MGA: variants seen among roughly 807,000 people sequenced by gnomAD.
MGA encodes the protein MAX dimerization protein MGA, also known as MAX gene-associated protein.
A neutral mutation model predicts 261.1 loss-of-function variants in MGA; 40 were observed. The observed-to-expected ratio is 0.15, with a 90% confidence interval of 0.12 to 0.20. The LOEUF is 0.20. Ranked by LOEUF, MGA falls within the 10% of genes least tolerant of loss-of-function variation. The pLI is 1.00. For missense variants in MGA, 3,397 were observed against 3,630.5 expected (o/e 0.94, Z 1.65); for synonymous variants, 1,302 against 1,290.6 (o/e 1.01, Z -0.19).
At chr15:41,755,257 A>T (rs2063080229) in intron 18 of MGA, among the ~76,000 whole-genome samples, 1 of 152,224 alleles carries the variant, frequency 6.6e-6, no homozygotes, top group African/African-American at 2.4e-5. Context: ...AACTACGATG[A>T]TATGAAAGTA....
chr15:41,762,470 T>TTG, intron 22 of MGA, 108 bp downstream of exon 22: 2 of 657,778 alleles, frequency 3.0e-6, no homozygotes, highest in Admixed American at 7.3e-5. Flanking sequence ...GGTTTTTTTT[T>TTG]TTTTTTTTTT....
rs2150950378 is a variant in MGA at position 41,669,518 on chromosome 15, T to A, written c.624T>A (p.Pro208=). 2 of 1,614,060 alleles carry A rather than the reference T, an allele frequency of 1.2e-6. No homozygotes were observed. The highest frequency in any genetic ancestry group is 2.2e-5 in the East Asian group (1 of 44,892). Residue 208 remains proline (P), a synonymous_variant, in exon 2 of 24, where the codon CCT becomes CCA. Coordinates refer to ENST00000219905, the MANE Select transcript of MGA (RefSeq NM_001164273.2). ...ACCTGCCGAGGCTTCATTTGGTGCCTGCAGAAAAGGCTGTGGAGGTGATAC... is the reference window on the plus strand; with the variant it reads ...ACCTGCCGAGGCTTCATTTGGTGCCAGCAGAAAAGGCTGTGGAGGTGATAC...
chr15:41,703,836 C>T (rs1181710981), intron 5 of MGA, among the ~76,000 whole-genome samples: 1 of 152,154 alleles, frequency 6.6e-6, no homozygotes, highest in Non-Finnish European at 1.5e-5. Flanking sequence ...GACAGGGTCT[C>T]GCTTTGTCAC....
Position 41,750,176 on chromosome 15 carries a change from C to T in MGA, c.6569C>T (p.Ser2190Leu), listed in dbSNP as rs368204728. 3.1e-6 allele frequency: 5 copies of T among 1,613,870 alleles called. No homozygotes were observed. The highest frequency in any genetic ancestry group is 2.7e-5 in the African/African-American group (2 of 75,036). ...TTAACCAGGAAATGTGTTGGAGCTT[C>T]ACAGGAATGTAAGAAAGAGGCAGAC... The change falls in exon 17 of 24, where the codon TCA becomes TTA. Residue 2190 changes from serine (S) to leucine (L), a missense_variant. Physicochemically the swap from Ser to Leu is moderately radical, Grantham distance 145. Coordinates refer to ENST00000219905, the MANE Select transcript of MGA (RefSeq NM_001164273.2).
At chr15:41,715,998 C>T (rs1021968986) in intron 9 of MGA, among the ~76,000 whole-genome samples, 1 of 152,178 alleles carries the variant, frequency 6.6e-6, no homozygotes, top group Non-Finnish European at 1.5e-5. Context: ...TTATTGTCTT[C>T]ATCCTGTGCC....
chr15:41,739,210 G>A (rs2061956533), intron 13 of MGA, among the ~76,000 whole-genome samples: 2 of 152,142 alleles, frequency 1.3e-5, no homozygotes, highest in African/African-American at 2.4e-5. Context: ...AACTCAGGCA[G>A]CAGAGGGGAT....
rs144803279 is a variant in MGA, at chr15:41,716,257, C to T, written c.3430+2761C>T. On this transcript the variant is annotated intron_variant, in intron 9 of 23. Transcript: ENST00000219905. ...GGTCAGGAGATCGAGACTGTCCTGG[C>T]TAACACGGTGAAACCCCGTCTCTAC... Among the ~76,000 whole-genome samples, 845 of 150,526 alleles carry T rather than the reference C, an allele frequency of 5.6e-3. 8 individuals are homozygous for T. The highest frequency in any genetic ancestry group is 0.02 in the African/African-American group (813 of 40,906).
intron 5 of MGA, 58 bp from the exon 6 acceptor site, chr15:41,707,670 G>A (rs754494759): frequency 6.0e-5 from 89 of 1,480,446 alleles, no homozygotes; most frequent in Non-Finnish European, 7.8e-5. Flanking sequence ...AAACAAAGAA[G>A]GGAGATAATA....
intron 1 of MGA, among the ~76,000 whole-genome samples, chr15:41,640,461 A>G (rs1003443852): frequency 6.6e-6 from 1 of 152,172 alleles, no homozygotes. Context: ...GTAAGATTGT[A>G]CATCATTTGA....
At chr15:41,699,208 C>T (rs1400464126) in intron 5 of MGA, 49 bp downstream of exon 5, 22 of 1,229,322 alleles carry the variant, frequency 1.8e-5, no homozygotes, top group Non-Finnish European at 2.0e-5. Context: ...TTTCTTTCTT[C>T]CCTACTGTTT....
Position 41,736,435 on chromosome 15 carries a change from T to A in MGA, c.4171T>A (p.Tyr1391Asn), listed in dbSNP as rs2061779903. 1 of 1,613,912 alleles carries A rather than the reference T, an allele frequency of 6.2e-7. No homozygotes were observed. ...CCGGGGTGAGAAGAACCCTCCTGTT[T>A]ATTCTTCTCGTGTGAAAATCTCTAT... is the stretch of plus-strand genomic sequence containing the variant. Residue 1391 changes from tyrosine to asparagine, a missense_variant, in exon 13 of 24, where the codon TAT becomes AAT. Physicochemically the swap from Tyr to Asn is moderately radical, Grantham distance 143. Transcript: ENST00000219905.
intron 9 of MGA, chr15:41,718,466 A>G (rs1007423301): frequency 2.5e-6 from 2 of 789,234 alleles, no homozygotes; most frequent in African/African-American, 3.4e-5. Context: ...TTTTTCGTAC[A>G]ATTTGTGAGT....
Position 41,669,316 on chromosome 15 carries a change from G to C in MGA, c.422G>C (p.Trp141Ser), listed in dbSNP as rs2057925743. The C allele has an allele frequency of 5.6e-6, 9 of 1,613,976 alleles. No individual in the cohort carries two copies. Among genetic ancestry groups the C allele is most frequent in the Non-Finnish European group, 7.6e-6 (9 of 1,179,880 alleles). The change falls in exon 2 of 24, where the codon TGG (tryptophan) becomes TCG (serine). Residue 141 changes from tryptophan to serine, a missense_variant. By Grantham distance (177) the Trp-to-Ser change is radical. This residue lies in a region of MGA where 104 missense variants were observed against 212.9 expected (regional missense o/e 0.49). Coordinates refer to ENST00000219905, the MANE Select transcript of MGA (RefSeq NM_001164273.2). ...CATCGTTATAAGTGGAATGGTCGTTGGTGGGAACCTAGTGGGAAGGCTGAA... is the reference window on the plus strand; with the variant it reads ...CATCGTTATAAGTGGAATGGTCGTTCGTGGGAACCTAGTGGGAAGGCTGAA...
chr15:41,656,364 C>CTCTCTCTCTCTCTCTCTCG (rs1417067526), upstream of MGA, among the ~76,000 whole-genome samples: 1 of 139,738 alleles, frequency 7.2e-6, no homozygotes. Context: ...CTCTCTCTCT[C>CTCTCTCTCTCTCTCTCTCG]TCTCTCTCTC....
chr15:41,626,110 A>G (rs1253949309), intron 1 of MGA, among the ~76,000 whole-genome samples: 4 of 152,164 alleles, frequency 2.6e-5, no homozygotes, highest in Non-Finnish European at 5.9e-5. Flanking sequence ...ATAGGGTTCA[A>G]TACTTTCCTA....
At chr15:41,760,205 G>A in intron 19 of MGA, 118 bp from the exon 20 acceptor site, 1 of 915,232 alleles carries the variant, frequency 1.1e-6, no homozygotes, top group South Asian at 1.5e-5. Context: ...TTGAGAGGCT[G>A]TTACAACAGT....
intron 5 of MGA, among the ~76,000 whole-genome samples, chr15:41,704,898 CTT>C (rs763698953): frequency 8.6e-5 from 13 of 150,376 alleles, no homozygotes; most frequent in Non-Finnish European, 1.2e-4. Flanking sequence ...CTTTATGAGT[CTT>C]TTTTTGTAAT....
intron 9 of MGA, among the ~76,000 whole-genome samples, chr15:41,725,442 G>T (rs910269212): frequency 6.6e-6 from 1 of 151,960 alleles, no homozygotes; most frequent in African/African-American, 2.4e-5. Flanking sequence ...AGCTACTTGG[G>T]AGCCTGAGGC....
At chr15:41,633,603 A>G (rs1267874769) in intron 1 of MGA, among the ~76,000 whole-genome samples, 3 of 152,050 alleles carry the variant, frequency 2.0e-5, no homozygotes, top group African/African-American at 7.2e-5. Context: ...CTGTATTTTT[A>G]GTAGAGACGG....
Sources: gnomAD v4.1 joint callset for allele counts (sites outside exome capture counted in the v4.1 genomes callset) on GRCh38, gnomAD v4.1.1 for gene constraint, gnomAD v4.1.1 regional missense constraint, MANE v1.5 for transcripts, NCBI Gene and HGNC (gene_info 2026-07-23, HGNC 2026-07-21) for gene names.